The following PCDHGB4 variants were observed in gnomAD, a reference collection of about 807,000 sequenced individuals.
The protein encoded by PCDHGB4 is protocadherin gamma-B4.
Under a neutral mutation model 60.5 loss-of-function variants are expected in PCDHGB4, and 38 were observed. The ratio of observed to expected loss-of-function variants is 0.63; its 90% confidence interval spans 0.48 to 0.82. The LOEUF (loss-of-function observed/expected upper bound fraction) is 0.82, where lower values mean the gene tolerates loss of function less well. Ranked by LOEUF, PCDHGB4 falls within the 40% of genes least tolerant of loss-of-function variation. PCDHGB4 has a pLI of 0.00. For missense variants in PCDHGB4, 1,109 were observed against 1,209.6 expected, an observed-to-expected ratio of 0.92 and a Z score of 1.23; for synonymous variants, 456 against 509.7, an observed-to-expected ratio of 0.89 and a Z score of 1.42.
At chr5:141,422,696 ACT>A in intron 1 of PCDHGB4, 1 of 1,602,756 alleles carries the variant, frequency 6.2e-7, no homozygotes, top group Non-Finnish European at 8.5e-7. Flanking sequence ...CTGGTCACTT[ACT>A]CTCTGACGGA....
rs753258464 is a variant in PCDHGB4, at chr5:141,388,966, G to T, written c.1082G>T (p.Gly361Val). ...CTAATTATGGAGGACGCCGAGCTGG[G>T]AACACATATTGCTTTGCTCAAAGTC... ...PNLIMEDAEL[G>V]THIALLKVRD... The change falls in exon 1 of 4, where the codon GGA (glycine) becomes GTA (valine). Residue 361 changes from glycine to valine, a missense_variant. Gly to Val is a moderately radical substitution (Grantham distance 109). Coordinates refer to ENST00000519479, the MANE Select transcript of PCDHGB4 (RefSeq NM_003736.4). 15 of 1,613,896 alleles carry T rather than the reference G, an allele frequency of 9.3e-6. No homozygotes were observed. In the Admixed American group the frequency reaches 2.3e-4, roughly 25 times the overall value.
chr5:141,490,549 C>T lies in PCDHGB4; in HGVS notation c.2398-4258C>T, dbSNP rs2099701539. ...TGCTGGTTCACCTTCCCTACACAAA[C>T]ATCTCACCATCAGGCTCAACATTTC... On this transcript the variant is annotated intron_variant, in intron 1 of 3. Transcript: ENST00000519479. The surrounding 1 kb of genome is among the most constrained non-coding windows in gnomAD (Gnocchi z 5.4). The T allele has an allele frequency of 1.9e-6, 3 of 1,614,178 alleles. No homozygotes were observed. The highest frequency in any genetic ancestry group is 1.7e-6 in the Non-Finnish European group (2 of 1,180,024).
chr5:141,491,138 C>T lies in PCDHGB4; in HGVS notation c.2398-3669C>T. The T allele has an allele frequency of 1.2e-6, 2 of 1,614,106 alleles. No individual in the cohort carries two copies. The highest frequency in any genetic ancestry group is 1.7e-6 in the Non-Finnish European group (2 of 1,179,962). On this transcript the variant is annotated intron_variant, in intron 1 of 3. Transcript: ENST00000519479. The surrounding 1 kb of genome is among the most constrained non-coding windows in gnomAD (Gnocchi z 6.9). ...ACTGGTGAGGTGCGCACAGCCCGGG[C>T]CTTACTGGAGGATGACTCTGACACC...
At chr5:141,393,736 A>G in intron 1 of PCDHGB4, 1 of 1,613,892 alleles carries the variant, frequency 6.2e-7, no homozygotes, top group Non-Finnish European at 8.5e-7. Flanking sequence ...AAAAGTCTAG[A>G]TTATGAAGAA....
intron 1 of PCDHGB4, chr5:141,409,213 C>A (rs1379007048): frequency 6.2e-7 from 1 of 1,613,994 alleles, no homozygotes; most frequent in East Asian, 2.2e-5. Context: ...TCATAGAAAT[C>A]CTTGATGAAA....
Position 141,494,808 on chromosome 5 carries a change from A to G in PCDHGB4, c.2399A>G (p.Gln800Arg). The G allele has an allele frequency of 1.9e-6, 3 of 1,614,014 alleles. No individual in the cohort carries two copies. Among genetic ancestry groups the G allele is most frequent in the Non-Finnish European group, 2.5e-6 (3 of 1,179,982 alleles). The change falls in exon 2 of 4, where the codon CAA becomes CGA. Residue 800 changes from glutamine to arginine, a missense_variant and splice_region_variant. Gln to Arg is a conservative substitution (Grantham distance 43, BLOSUM62 1). Around this residue, in one of 2 missense-constraint regions of PCDHGB4, gnomAD observed 1,068 missense variants for 1,089.9 expected, o/e 0.98. Coordinates refer to ENST00000519479, the MANE Select transcript of PCDHGB4 (RefSeq NM_003736.4). ...CCTTTCCCTCTGTTTTCTCCACAGC[A>G]AGCCCCGCCCAACACGGACTGGCGT... ...CNSSELTSHQ[Q>R]APPNTDWRFS...
intron 1 of PCDHGB4, among the ~76,000 whole-genome samples, chr5:141,459,532 TA>T (rs1031834752): frequency 6.6e-5 from 10 of 152,354 alleles, no homozygotes; most frequent in East Asian, 3.9e-4. Context: ...TTTGTAGGCA[TA>T]TTTTTTTTAT....
intron 1 of PCDHGB4, chr5:141,399,835 C>T (rs756646382): frequency 1.2e-6 from 2 of 1,613,164 alleles, no homozygotes; most frequent in South Asian, 2.2e-5. Flanking sequence ...CGGCTCTGCG[C>T]TCTTCGATAT....
chr5:141,410,153 C>G (rs200651346), intron 1 of PCDHGB4: 9 of 1,612,786 alleles, frequency 5.6e-6, no homozygotes. Context: ...TGACGGTGGA[C>G]AGCCGCCACT....
intron 3 of PCDHGB4, among the ~76,000 whole-genome samples, chr5:141,506,298 A>C (rs887906455): frequency 6.6e-6 from 1 of 151,936 alleles, no homozygotes; most frequent in Non-Finnish European, 1.5e-5. Context: ...AAAATACAAA[A>C]ATTAGCTGGG....
intron 2 of PCDHGB4, among the ~76,000 whole-genome samples, chr5:141,499,689 CTT>C (rs545067566): frequency 7.5e-5 from 9 of 119,852 alleles, no homozygotes; most frequent in African/African-American, 9.3e-5. Flanking sequence ...TAACAGATGA[CTT>C]TTTTTTTTTT....
chr5:141,481,897 G>A (rs916673176), intron 1 of PCDHGB4, among the ~76,000 whole-genome samples: 3 of 128,712 alleles, frequency 2.3e-5, no homozygotes, highest in South Asian at 5.0e-4. Context: ...CTGGGTGAAA[G>A]AGCGAAACTC....
rs2099710385 is a variant in PCDHGB4 at position 141,491,296 on chromosome 5, G to A, written c.2398-3511G>A. 6.2e-7 allele frequency: 1 copy of A among 1,614,034 alleles called. No individual in the cohort carries two copies. Among genetic ancestry groups the A allele is most frequent in the African/African-American group, 1.3e-5 (1 of 74,924 alleles). Reference sequence around the variant, plus strand: ...CAGTGACTTCCTCATACACCCTCCTGAGCGTTCAGACCTTACCCTTTACCT... The same window carrying A: ...CAGTGACTTCCTCATACACCCTCCTAAGCGTTCAGACCTTACCCTTTACCT... On this transcript the variant is annotated intron_variant, in intron 1 of 3. Transcript: ENST00000519479. The surrounding 1 kb of genome is among the most constrained non-coding windows in gnomAD (Gnocchi z 6.9).
intron 1 of PCDHGB4, among the ~76,000 whole-genome samples, chr5:141,436,010 A>G (rs1188507054): frequency 6.6e-6 from 1 of 152,168 alleles, no homozygotes; most frequent in Non-Finnish European, 1.5e-5. Context: ...AAGTATTTGA[A>G]TTTATCTAAA....
chr5:141,428,200 G>A (rs1000165985), intron 1 of PCDHGB4: 3 of 1,363,858 alleles, frequency 2.2e-6, no homozygotes, highest in East Asian at 2.3e-5. Flanking sequence ...TCTCTGCGCC[G>A]CTACGCTTCA....
chr5:141,404,928 C>A lies in PCDHGB4; in HGVS notation c.2397+14647C>A, dbSNP rs145718404. The stretch of plus-strand genomic sequence containing the variant: ...CAGCCCCCTCTCTCGGCCACTGTCA[C>A]GCTCACAGTAGCCATAGCTGACAGC... On this transcript the variant is annotated intron_variant, in intron 1 of 3. Coordinates refer to ENST00000519479, the MANE Select transcript of PCDHGB4 (RefSeq NM_003736.4). The A allele has an allele frequency of 1.9e-6, 3 of 1,613,866 alleles. No individual in the cohort carries two copies. In the South Asian group the frequency reaches 3.3e-5, roughly 18 times the overall value.
rs6883529 is a variant in PCDHGB4, at chr5:141,427,618, A to G, written c.2397+37337A>G. On this transcript the variant is annotated intron_variant, in intron 1 of 3. Coordinates refer to ENST00000519479, the MANE Select transcript of PCDHGB4 (RefSeq NM_003736.4). ...ACCCTACGCATTGGTGAAGTCAACG[A>G]CAATGCTCCGGTTTTCCACCAAGTC... The G allele has an allele frequency of 3.3e-3, 2,299 of 695,914 alleles. 37 individuals are homozygous for G. In the African/African-American group the frequency reaches 0.033, roughly 10 times the overall value. 43.1% of individuals were successfully genotyped at this position (695,914 alleles called of 1,614,324 possible).
intron 1 of PCDHGB4, chr5:141,393,474 C>T (rs773609499): frequency 6.2e-7 from 1 of 1,613,926 alleles, no homozygotes; most frequent in African/African-American, 1.3e-5. Context: ...CGGCAAGCCG[C>T]CTCGCTCTAG....
At chr5:141,492,195 CTT>C (rs1240529719) in intron 1 of PCDHGB4, among the ~76,000 whole-genome samples, 1 of 152,242 alleles carries the variant, frequency 6.6e-6, no homozygotes, top group Non-Finnish European at 1.5e-5. Context: ...GTCTGCGGGA[CTT>C]AGGTGTGCGC....
Sources: gnomAD v4.1 joint callset for allele counts (sites outside exome capture counted in the v4.1 genomes callset) on GRCh38, gnomAD v4.1.1 for gene constraint, gnomAD v4.1.1 regional missense constraint, Gnocchi (gnomAD v3.1) non-coding constraint, MANE v1.5 for transcripts, NCBI Gene and HGNC (gene_info 2026-07-23, HGNC 2026-07-21) for gene names.